INSC: variants seen among roughly 807,000 people sequenced by gnomAD.
INSC encodes the protein protein inscuteable homolog.
INSC carries 67 observed loss-of-function variants against 58.6 expected under a neutral mutation model. The ratio of observed to expected loss-of-function variants is 1.14; its 90% CI spans 0.94 to 1.40. The LOEUF is 1.40. Among genes scored for constraint, INSC ranks in the 40% most tolerant of loss-of-function variants. The pLI is 0.00. For missense variants in INSC, 714 were observed against 692.0 expected (o/e 1.03, Z -0.36); for synonymous variants, 262 against 276.1 (o/e 0.95, Z 0.51).
At chr11:15,252,013 A>G (rs1852655496), downstream of INSC, among the ~76,000 whole-genome samples, 1 of 152,236 alleles carries the variant, frequency 6.6e-6, no homozygotes, top group Admixed American at 6.5e-5. Flanking sequence ...AGTTTTAAAA[A>G]TGTGATAAAT....
At chr11:15,151,226 C>T (rs12279831) in intron 2 of INSC, among the ~76,000 whole-genome samples, 366 of 152,230 alleles carry the variant, frequency 2.4e-3, no homozygotes, top group Middle Eastern at 6.8e-3. Flanking sequence ...CTCATAGGAG[C>T]GCGAACCCTA....
intron 4 of INSC, 25 bp downstream of exon 4, chr11:15,177,188 A>G (rs778335971): frequency 5.6e-6 from 9 of 1,607,894 alleles, no homozygotes; most frequent in Non-Finnish European, 7.7e-6. Context: ...TAGATCTCCC[A>G]GGGTCTGCCC....
chr11:15,199,300 G>A (rs185560365), intron 6 of INSC, among the ~76,000 whole-genome samples: 1 of 152,190 alleles, frequency 6.6e-6, no homozygotes, highest in South Asian at 2.1e-4. Context: ...GAATATATAA[G>A]TTGTGATTAC....
In INSC at chr11:15,246,021, T is replaced by C; in HGVS notation, c.1580T>C (p.Met527Thr). ...GACTCCTTCTTACTCTGCAGCAACA[T>C]GGAGGAGAGTTTTGTGTAGTGAGTG... The part of the protein sequence containing the change: ...LVDSFLLCSN[M>T]EESFV The change falls in exon 13 of 13, where the codon ATG becomes ACG. Residue 527 changes from methionine to threonine, a missense_variant. By Grantham distance (81) the Met-to-Thr change is moderately conservative (BLOSUM62 -1). Transcript: ENST00000379556. 5 of 1,614,154 alleles carry C rather than the reference T, an allele frequency of 3.1e-6. No homozygotes were observed. The highest frequency in any genetic ancestry group is 4.2e-6 in the Non-Finnish European group (5 of 1,179,996).
intron 1 of INSC, among the ~76,000 whole-genome samples, chr11:15,145,592 T>A (rs1848472438): frequency 6.6e-6 from 1 of 152,168 alleles, no homozygotes; most frequent in Non-Finnish European, 1.5e-5. Context: ...TTTGCAGCTT[T>A]AACTGGGACT....
intron 3 of INSC, 148 bp downstream of exon 3, chr11:15,176,234 T>C: frequency 1.5e-6 from 1 of 685,032 alleles, no homozygotes; most frequent in Non-Finnish European, 2.4e-6. Flanking sequence ...GAGAGTGGAA[T>C]CTTTACTGAG....
chr11:15,209,976 G>C (rs1382724457), intron 7 of INSC, among the ~76,000 whole-genome samples: 1 of 152,158 alleles, frequency 6.6e-6, no homozygotes, highest in East Asian at 1.9e-4. Flanking sequence ...CTTAGCCCTG[G>C]CAATTTGCAC....
chr11:15,185,691 TA>T (rs1316691224), intron 5 of INSC, among the ~76,000 whole-genome samples: 1 of 152,134 alleles, frequency 6.6e-6, no homozygotes. Context: ...TGCAGAATGT[TA>T]AAAAAGAGAT....
chr11:15,181,025 A>G (rs1016110195), intron 5 of INSC, among the ~76,000 whole-genome samples: 2 of 152,220 alleles, frequency 1.3e-5, no homozygotes, highest in African/African-American at 4.8e-5. Context: ...TAGTAATTAT[A>G]CCAGGATCTT....
intron 1 of INSC, among the ~76,000 whole-genome samples, chr11:15,138,647 T>C (rs1350094964): frequency 6.6e-6 from 1 of 152,252 alleles, no homozygotes; most frequent in Non-Finnish European, 1.5e-5. Flanking sequence ...AAATGGATCC[T>C]TCATTGCCAC....
intron 5 of INSC, among the ~76,000 whole-genome samples, chr11:15,180,025 G>A (rs898942271): frequency 1.3e-5 from 2 of 152,206 alleles, no homozygotes; most frequent in Non-Finnish European, 2.9e-5. Context: ...GGGAGGCCAA[G>A]GCGGGCAGAT....
At chr11:15,213,887 G>A (rs1372470532) in intron 7 of INSC, among the ~76,000 whole-genome samples, 2 of 152,152 alleles carry the variant, frequency 1.3e-5, no homozygotes, top group Non-Finnish European at 2.9e-5. Flanking sequence ...CATCCTGAAG[G>A]CCTGTTTTAG....
chr11:15,123,361 C>T (rs949962839), intron 1 of INSC, among the ~76,000 whole-genome samples: 24 of 152,286 alleles, frequency 1.6e-4, no homozygotes, highest in African/African-American at 5.3e-4. Context: ...TTGCTCGTTA[C>T]TTTATCCTAG....
At chr11:15,265,157 G>C in the INSC span, among the ~76,000 whole-genome samples, 1 of 152,050 alleles carries the variant, frequency 6.6e-6, no homozygotes, top group Non-Finnish European at 1.5e-5. Flanking sequence ...TAAAATATGT[G>C]ACAATAATGT....
At chr11:15,229,996 TATATATATATATATATAATA>T (rs1851839445) in intron 9 of INSC, among the ~76,000 whole-genome samples, 4 of 26,644 alleles carry the variant, frequency 1.5e-4, no homozygotes, top group Non-Finnish European at 2.4e-4. Context: ...TATATATATA[TATATATATATATATATAATA>T]TATATATATA....
At chr11:15,226,669 C>T (rs970237723) in intron 9 of INSC, among the ~76,000 whole-genome samples, 6 of 152,186 alleles carry the variant, frequency 3.9e-5, no homozygotes, top group Admixed American at 2.6e-4. Context: ...TCACCTCTTC[C>T]AGGCTTATCT....
At chr11:15,228,372 G>C (rs150260260) in intron 9 of INSC, among the ~76,000 whole-genome samples, 4 of 152,190 alleles carry the variant, frequency 2.6e-5, no homozygotes, top group African/African-American at 9.7e-5. Flanking sequence ...ATGTGGTTGC[G>C]CTGCCAGCAG....
intron 1 of INSC, among the ~76,000 whole-genome samples, chr11:15,136,878 A>G (rs564245494): frequency 1.3e-5 from 2 of 152,344 alleles, no homozygotes; most frequent in African/African-American, 4.8e-5. Context: ...TCTTAATGAT[A>G]TCTAGAATGG....
At chr11:15,253,644 T>TA in the INSC span, among the ~76,000 whole-genome samples, 11 of 149,734 alleles carry the variant, frequency 7.3e-5, no homozygotes, top group Non-Finnish European at 1.0e-4. Context: ...TTTTTTTTTT[T>TA]AATAATATTC....
Sources: gnomAD v4.1 joint callset for allele counts (sites outside exome capture counted in the v4.1 genomes callset) on GRCh38, gnomAD v4.1.1 for gene constraint, MANE v1.5 for transcripts, NCBI Gene and HGNC (gene_info 2026-07-23, HGNC 2026-07-21) for gene names.